The following LTBP1 variants were observed in gnomAD, a reference collection of about 807,000 sequenced individuals.
LTBP1 encodes the protein latent-transforming growth factor beta-binding protein 1.
LTBP1 carries 129 observed loss-of-function variants against 207.6 expected under a neutral mutation model. The ratio of observed to expected loss-of-function variants is 0.62; its 90% CI spans 0.54 to 0.72. The LOEUF (loss-of-function observed/expected upper bound fraction) is 0.72. LTBP1 is among the 30% of genes least tolerant of loss of function. LTBP1 has a pLI of 0.00. For synonymous variants in LTBP1, 963 were observed against 833.7 expected (o/e 1.16, Z -2.67); for missense variants, 2,281 against 2,217.2 (o/e 1.03, Z -0.58).
At chr2:33,291,145 G>A (rs1277880876) in intron 19 of LTBP1, among the ~76,000 whole-genome samples, 2 of 152,158 alleles carry the variant, frequency 1.3e-5, no homozygotes, top group African/African-American at 4.8e-5. Context: ...AGTAAAGAAA[G>A]AATAAACACA....
chr2:33,281,448 G>T (rs2093557421), intron 19 of LTBP1, among the ~76,000 whole-genome samples: 1 of 152,218 alleles, frequency 6.6e-6, no homozygotes, highest in Non-Finnish European at 1.5e-5. Flanking sequence ...GAGAACACAG[G>T]AAGATTTGCT....
chr2:33,009,978 A>G (rs1175950127), intron 2 of LTBP1, among the ~76,000 whole-genome samples: 1 of 152,186 alleles, frequency 6.6e-6, no homozygotes, highest in East Asian at 1.9e-4. Flanking sequence ...GAAGGGTCCA[A>G]GGATCAAGGA....
At chr2:33,117,950 G>T (rs1949) in intron 4 of LTBP1, among the ~76,000 whole-genome samples, 9,220 of 152,188 alleles carry the variant, frequency 0.061, 373 homozygotes, top group Non-Finnish European at 0.078. Context: ...TGAAGTTTAG[G>T]ATATGGATGG....
At chr2:32,949,118 G>A (rs1676724043) in intron 2 of LTBP1, among the ~76,000 whole-genome samples, 173 bp downstream of exon 2, 1 of 152,208 alleles carries the variant, frequency 6.6e-6, no homozygotes, top group Non-Finnish European at 1.5e-5. Flanking sequence ...GGTAATGTTA[G>A]TATCAATGCC....
At chr2:33,378,860 G>A (rs1378109905) in intron 31 of LTBP1, among the ~76,000 whole-genome samples, 1 of 152,166 alleles carries the variant, frequency 6.6e-6, no homozygotes, top group African/African-American at 2.4e-5. Flanking sequence ...CTCCTTTTAT[G>A]CCGCAGACAG....
In LTBP1 at chr2:33,021,045, G is replaced by C; in HGVS notation, c.702G>C (p.Gln234His). ...CCTCGTCACCAGTCTTTGGAGGGCA[G>C]AGTCCTGGGGCTGCTTCCTCGTGGG... Reference protein sequence around the residue: ...QDTSSPVFGGQSPGAASSWGP... With the variant: ...QDTSSPVFGGHSPGAASSWGP... The change falls in exon 3 of 34, where the codon CAG becomes CAC. Residue 234 changes from glutamine to histidine, a missense_variant. By Grantham distance (24) the Gln-to-His change is conservative. Transcript: ENST00000404816. The C allele has an allele frequency of 5.6e-6, 9 of 1,614,144 alleles. No individual in the cohort carries two copies. Among genetic ancestry groups the C allele is most frequent in the South Asian group, 1.1e-5 (1 of 91,078 alleles).
rs1462038769 is a variant in LTBP1, at chr2:33,134,718, A to C, written c.1034-75A>C. On this transcript the variant is annotated intron_variant, in intron 4 of 33. Transcript: ENST00000404816. This position sits in a 1 kb window ranked among gnomAD's most constrained non-coding sequence, Gnocchi z 4.4. ...TTCTTTTCTTTTTTTCTGTTTTTTT[A>C]AACCTTCCAAGGCAAGTTCATGGAT... 3 of 1,608,616 alleles carry C rather than the reference A, an allele frequency of 1.9e-6. No individual in the cohort carries two copies. Among genetic ancestry groups the C allele is most frequent in the African/African-American group, 1.3e-5 (1 of 74,192 alleles).
intron 3 of LTBP1, among the ~76,000 whole-genome samples, chr2:33,035,073 G>A (rs1023070748): frequency 2.6e-5 from 4 of 152,142 alleles, no homozygotes; most frequent in African/African-American, 4.8e-5. Flanking sequence ...TTTGGATGCC[G>A]TAGCCGACCC....
Position 33,110,577 on chromosome 2 carries a change from C to T in LTBP1, c.864-5C>T. On this transcript the variant is annotated splice_polypyrimidine_tract_variant and splice_region_variant and intron_variant, in intron 3 of 33. Transcript: ENST00000404816. ...ATTCCTTCTCTTTATTTTGTTTCTT[C>T]CCAGAGTGACTCCTCTTTCTTCCCA... The T allele has an allele frequency of 6.2e-7, 1 of 1,611,260 alleles. No individual in the cohort carries two copies. The highest frequency in any genetic ancestry group is 2.2e-5 in the East Asian group (1 of 44,830).
intron 3 of LTBP1, among the ~76,000 whole-genome samples, chr2:33,024,564 A>G (rs1190291605): frequency 6.6e-6 from 1 of 152,248 alleles, no homozygotes; most frequent in African/African-American, 2.4e-5. Context: ...AATTGGTTTT[A>G]GGCAACTTGA....
At chr2:33,192,506 T>C (rs2088012201) in intron 7 of LTBP1, among the ~76,000 whole-genome samples, 1 of 151,202 alleles carries the variant, frequency 6.6e-6, no homozygotes, top group Admixed American at 6.6e-5. Context: ...ACGTAGGGCA[T>C]TGTTGCCTGG....
intron 3 of LTBP1, chr2:33,056,561 T>G: frequency 2.1e-6 from 1 of 466,538 alleles, no homozygotes; most frequent in South Asian, 4.6e-5. Flanking sequence ...TCTCACTGAC[T>G]TCAAGAGTGA....
chr2:32,960,635 T>C (rs1024062387), intron 2 of LTBP1, among the ~76,000 whole-genome samples: 1 of 152,194 alleles, frequency 6.6e-6, no homozygotes, highest in Admixed American at 6.5e-5. Flanking sequence ...AAGTACCATG[T>C]ACTTGAAAAA....
chr2:33,203,240 C>T (rs996103), intron 7 of LTBP1, among the ~76,000 whole-genome samples: 64,282 of 151,996 alleles, frequency 0.42, 14,083 homozygotes, highest in Non-Finnish European at 0.48. Flanking sequence ...GATTGACTTT[C>T]GCGCAGGGGC....
chr2:33,126,600 A>C (rs1466603991), intron 4 of LTBP1, among the ~76,000 whole-genome samples: 1 of 152,244 alleles, frequency 6.6e-6, no homozygotes, highest in Non-Finnish European at 1.5e-5. Flanking sequence ...GTGTACAACT[A>C]TACATCAGTA....
At chr2:33,370,027 C>A (rs1158312041) in intron 31 of LTBP1, among the ~76,000 whole-genome samples, 6 of 151,354 alleles carry the variant, frequency 4.0e-5, no homozygotes, top group Admixed American at 2.0e-4. Context: ...GGTTTGGCAA[C>A]TTCTTTTCCC....
Position 32,947,015 on chromosome 2 carries a change from G to A in LTBP1, c.-310G>A. 9.1e-6 allele frequency: 2 copies of A among 220,770 alleles called. No individual in the cohort carries two copies. The highest frequency in any genetic ancestry group is 1.8e-5 in the Non-Finnish European group (2 of 112,878). The allele number at this position is 220,770 out of a possible 1,614,324, so 13.7% of individuals were successfully genotyped here. ...CTCGCCGGGCCCCGCTGCGGCGCGC[G>A]CTGCAACCCCCGGCCGGACGCGCGG... On this transcript the variant is annotated 5_prime_UTR_variant, in exon 1 of 34. Transcript: ENST00000404816.
chr2:33,356,431 G>GT (rs2094861260), intron 26 of LTBP1, among the ~76,000 whole-genome samples: 2 of 152,196 alleles, frequency 1.3e-5, no homozygotes, highest in South Asian at 4.1e-4. Context: ...TGTAATCCCA[G>GT]CACTTTGGGA....
rs1200334970 is a variant in LTBP1, at chr2:33,145,366, G to T, written c.1201+10406G>T. Among the ~76,000 whole-genome samples, 17 of 152,230 alleles carry T rather than the reference G, an allele frequency of 1.1e-4. No individual in the cohort carries two copies. The East Asian group carries it at 3.1e-3, about 28-fold the overall frequency. ...TCAATAAGAATTGGTCTGGATTATG[G>T]GGACTTTATAAGTTTTCCTAGTGTA... On this transcript the variant is annotated intron_variant, in intron 5 of 33. Transcript: ENST00000404816.
Sources: allele counts gnomAD v4.1 joint callset (sites outside exome capture counted in the v4.1 genomes callset), GRCh38; gene constraint gnomAD v4.1.1; non-coding constraint Gnocchi (gnomAD v3.1); transcripts MANE v1.5; gene names NCBI Gene and HGNC (gene_info 2026-07-23, HGNC 2026-07-21).